Variants in RAB3GAP1 observed in about 807,000 individuals in gnomAD.
The protein encoded by RAB3GAP1 is RAB3 GTPase activating protein catalytic subunit 1, also known as rab3 GTPase-activating protein catalytic subunit.
Under a neutral mutation model 130.7 loss-of-function variants are expected in RAB3GAP1, and 86 were observed. That is an observed-to-expected ratio of 0.66 (90% CI 0.55 to 0.79). The LOEUF (loss-of-function observed/expected upper bound fraction) is 0.79, where lower values mean the gene tolerates loss of function less well. Among genes scored for constraint, RAB3GAP1 ranks in the 30% least tolerant of loss-of-function variants. The probability of loss-of-function intolerance (pLI) is 0.00; values close to 1 mark genes in which losing one functional copy is unlikely to be tolerated. For missense variants in RAB3GAP1, 1,029 were observed against 1,169.4 expected (o/e 0.88, Z 1.75); for synonymous variants, 367 against 401.7 (o/e 0.91, Z 1.03).
chr2:135,169,165 A>C lies in RAB3GAP1; in HGVS notation c.*384A>C. The C allele has an allele frequency of 3.3e-6, 1 of 299,324 alleles. No homozygotes were observed. The highest frequency in any genetic ancestry group is 6.5e-6 in the Non-Finnish European group (1 of 154,646). The allele number at this position is 299,324 out of a possible 1,614,324, so 18.5% of individuals were successfully genotyped here. ...GTCTGTGCAAACACTTCGTGGTTCT[A>C]TATATCAGCAGCAAGTGTGCAAAAT... is the stretch of plus-strand genomic sequence containing the variant. On this transcript the variant is annotated 3_prime_UTR_variant, in exon 24 of 24. Coordinates refer to ENST00000264158, the MANE Select transcript of RAB3GAP1 (RefSeq NM_012233.3).
At chr2:135,073,173 A>G (rs182573542) in intron 3 of RAB3GAP1, among the ~76,000 whole-genome samples, 2 of 152,334 alleles carry the variant, frequency 1.3e-5, no homozygotes, top group African/African-American at 4.8e-5. Flanking sequence ...TGGTGAGAGA[A>G]TGGTAATTGG....
rs752462202 is a variant in RAB3GAP1, at chr2:135,150,524, A to G, written c.2061+18A>G. The G allele has an allele frequency of 6.2e-7, 1 of 1,613,656 alleles. No homozygotes were observed. The highest frequency in any genetic ancestry group is 1.7e-5 in the Admixed American group (1 of 60,024). ...CTTTTAAGGTGGGTCACACTTGCAG[A>G]GCTCTGGGGTCTATTTTGAGCTATT... On this transcript the variant is annotated intron_variant, in intron 18 of 23. Coordinates refer to ENST00000264158, the MANE Select transcript of RAB3GAP1 (RefSeq NM_012233.3).
intron 3 of RAB3GAP1, among the ~76,000 whole-genome samples, chr2:135,076,739 A>G (rs778572913): frequency 1.3e-5 from 2 of 152,216 alleles, no homozygotes; most frequent in Admixed American, 6.5e-5. Context: ...TTGTTGTGCA[A>G]TCATTACCAT....
chr2:135,055,367 T>C (rs1206176883), intron 2 of RAB3GAP1, among the ~76,000 whole-genome samples: 1 of 152,232 alleles, frequency 6.6e-6, no homozygotes, highest in Non-Finnish European at 1.5e-5. Context: ...AATTCATTAT[T>C]CATACAATAA....
chr2:135,117,753 TCTGCTTCTTCTG>T (rs1192228324), intron 7 of RAB3GAP1, among the ~76,000 whole-genome samples: 10 of 144,072 alleles, frequency 6.9e-5, no homozygotes, highest in African/African-American at 2.6e-4. Context: ...TTCTTCTGCT[TCTGCTTCTTCTG>T]CTGCTTCTTC....
At chr2:135,068,158 A>G (rs956001477) in intron 3 of RAB3GAP1, among the ~76,000 whole-genome samples, 4 of 152,196 alleles carry the variant, frequency 2.6e-5, no homozygotes, top group Admixed American at 6.5e-5. Context: ...TAGAGCACCT[A>G]TCAGTTAAAA....
rs116619231 is a variant in RAB3GAP1, at chr2:135,069,294, G to A, written c.150+11208G>A. ...ATTTTGTTAAAATATGGTGATGGTGGCATTTTTAAAAGCATTATACAGAAG... is the reference window on the plus strand; with the variant it reads ...ATTTTGTTAAAATATGGTGATGGTGACATTTTTAAAAGCATTATACAGAAG... On this transcript the variant is annotated intron_variant, in intron 3 of 23. Coordinates refer to ENST00000264158, the MANE Select transcript of RAB3GAP1 (RefSeq NM_012233.3). Among the ~76,000 whole-genome samples the A allele has an allele frequency of 2.9e-3, 448 of 152,282 alleles. 2 individuals carry two copies. Among genetic ancestry groups the A allele is most frequent in the African/African-American group, 0.01 (424 of 41,554 alleles).
intron 5 of RAB3GAP1, among the ~76,000 whole-genome samples, chr2:135,101,202 T>C (rs1333470379): frequency 6.6e-6 from 1 of 152,236 alleles, no homozygotes; most frequent in African/African-American, 2.4e-5. Context: ...TTTATTCATA[T>C]AATTTTTATT....
downstream of RAB3GAP1, among the ~76,000 whole-genome samples, chr2:135,172,929 GC>G (rs1458466457): frequency 6.6e-6 from 1 of 152,144 alleles, no homozygotes; most frequent in East Asian, 1.9e-4. Context: ...GGTTATAGGA[GC>G]CATTGCAACT....
intron 19 of RAB3GAP1, among the ~76,000 whole-genome samples, chr2:135,157,531 G>A (rs1048200014): frequency 1.3e-5 from 2 of 152,000 alleles, no homozygotes; most frequent in Admixed American, 6.6e-5. Flanking sequence ...GTGGGGGATG[G>A]GACTGCAAGA....
intron 17 of RAB3GAP1, among the ~76,000 whole-genome samples, chr2:135,149,633 A>G (rs963439736): frequency 2.6e-5 from 4 of 152,220 alleles, no homozygotes; most frequent in African/African-American, 9.6e-5. Context: ...TCATAGTTTT[A>G]TAACCAGAGA....
At chr2:135,140,358 C>T (rs1157255341) in intron 17 of RAB3GAP1, among the ~76,000 whole-genome samples, 1 of 152,106 alleles carries the variant, frequency 6.6e-6, no homozygotes, top group Non-Finnish European at 1.5e-5. Flanking sequence ...ACCTTCTCAC[C>T]AACAATTTAT....
chr2:135,145,385 AACACACACACACATACACACACACAC>A (rs931333778), intron 17 of RAB3GAP1, among the ~76,000 whole-genome samples: 1 of 142,956 alleles, frequency 7.0e-6, no homozygotes, highest in Non-Finnish European at 1.5e-5. Context: ...ACCCCTCACC[AACACACACACACATACACACACACAC>A]ACACACACAC....
At chr2:135,125,422 A>G (rs1297871262) in intron 9 of RAB3GAP1, among the ~76,000 whole-genome samples, 2 of 152,238 alleles carry the variant, frequency 1.3e-5, no homozygotes, top group African/African-American at 4.8e-5. Context: ...TTTAATTTAT[A>G]AATTTGGCAC....
intron 17 of RAB3GAP1, among the ~76,000 whole-genome samples, chr2:135,147,887 A>G (rs1306818630): frequency 6.6e-6 from 1 of 152,168 alleles, no homozygotes; most frequent in Non-Finnish European, 1.5e-5. Context: ...CTGGGTTAAT[A>G]AACAGTCTGA....
chr2:135,153,615 T>C (rs754341973), intron 18 of RAB3GAP1, 34 bp from the exon 19 acceptor site: 1 of 1,598,422 alleles, frequency 6.3e-7, no homozygotes, highest in Non-Finnish European at 8.6e-7. Context: ...TTGATTTTCA[T>C]TTGATTCTGC....
intron 3 of RAB3GAP1, among the ~76,000 whole-genome samples, chr2:135,070,030 C>T (rs1689423849): frequency 6.6e-6 from 1 of 152,204 alleles, no homozygotes. Context: ...TAAATGATGC[C>T]AATGGCCATA....
chr2:135,071,546 AG>A (rs1689472784), intron 3 of RAB3GAP1, among the ~76,000 whole-genome samples: 2 of 151,936 alleles, frequency 1.3e-5, no homozygotes, highest in African/African-American at 4.8e-5. Flanking sequence ...AAAAAAAAAA[AG>A]AATTATTAGA....
At chr2:135,075,910 C>CT (rs996535280) in intron 3 of RAB3GAP1, among the ~76,000 whole-genome samples, 4,272 of 126,722 alleles carry the variant, frequency 0.034, 95 homozygotes, top group Middle Eastern at 0.11. Context: ...TAACAGATTT[C>CT]TTTTTTTTTT....
Sources: allele counts gnomAD v4.1 joint callset (sites outside exome capture counted in the v4.1 genomes callset), GRCh38; gene constraint gnomAD v4.1.1; transcripts MANE v1.5; gene names NCBI Gene and HGNC (gene_info 2026-07-23, HGNC 2026-07-21).